Variants in ARHGAP24 observed in about 807,000 individuals in gnomAD.
ARHGAP24 encodes rho GTPase-activating protein 24.
Under a neutral mutation model 76.4 loss-of-function variants are expected in ARHGAP24, and 50 were observed. The observed-to-expected ratio is 0.65, with a 90% CI of 0.52 to 0.83. ARHGAP24 has a LOEUF of 0.83. Among genes scored for constraint, ARHGAP24 ranks in the 40% least tolerant of loss-of-function variants. The pLI, the probability that ARHGAP24 is intolerant of heterozygous loss-of-function variation, is 0.00. For synonymous variants in ARHGAP24, 345 were observed against 323.3 expected (o/e 1.07, Z -0.72); for missense variants, 930 against 914.2 (o/e 1.02, Z -0.22).
At chr4:85,593,949 T>G (rs1578063334) in intron 2 of ARHGAP24, among the ~76,000 whole-genome samples, 1 of 152,094 alleles carries the variant, frequency 6.6e-6, no homozygotes, top group African/African-American at 2.4e-5. Flanking sequence ...CTTTTGTGAT[T>G]CTGTATAAAT....
intron 2 of ARHGAP24, among the ~76,000 whole-genome samples, chr4:85,643,193 A>G (rs1451902161): frequency 2.7e-5 from 4 of 145,462 alleles, no homozygotes; most frequent in African/African-American, 1.0e-4. Context: ...AATACCCCTT[A>G]ACCTGGTTCT....
intron 9 of ARHGAP24, among the ~76,000 whole-genome samples, chr4:85,999,206 T>C (rs1740861577): frequency 6.6e-6 from 1 of 152,038 alleles, no homozygotes; most frequent in African/African-American, 2.4e-5. Context: ...TCCAAAATTT[T>C]GGCTCTAAAA....
intron 2 of ARHGAP24, among the ~76,000 whole-genome samples, chr4:85,691,568 A>C (rs1358018930): frequency 2.6e-5 from 4 of 152,054 alleles, no homozygotes; most frequent in Admixed American, 2.0e-4. Context: ...ATCTTGTTGG[A>C]TTGTACCTTT....
intron 3 of ARHGAP24, among the ~76,000 whole-genome samples, chr4:85,813,965 C>T (rs1376052465): frequency 6.6e-6 from 1 of 151,692 alleles, no homozygotes; most frequent in African/African-American, 2.4e-5. Context: ...GGGGAGGCCT[C>T]ACAATTACAG....
intron 1 of ARHGAP24, among the ~76,000 whole-genome samples, chr4:85,508,863 C>T (rs555646585): frequency 2.6e-5 from 4 of 152,198 alleles, no homozygotes; most frequent in South Asian, 4.1e-4. Context: ...CCTCCACCCA[C>T]ATTCCAAGGT....
chr4:85,724,440 A>T (rs1725081083), intron 3 of ARHGAP24, among the ~76,000 whole-genome samples: 1 of 150,818 alleles, frequency 6.6e-6, no homozygotes, highest in Non-Finnish European at 1.5e-5. Context: ...TGTGTTACGA[A>T]TACAGTTTAT....
Position 85,871,057 on chromosome 4 carries a change from G to A in ARHGAP24, c.269-52591G>A, listed in dbSNP as rs552032280. 2.6e-5 allele frequency among the ~76,000 whole-genome samples: 4 copies of A among 152,138 alleles called. No individual in the cohort carries two copies. The South Asian group carries it at 8.3e-4, about 32-fold the overall frequency. ...CCATTTATTCTCTCTTTTGAATAAA[G>A]GTCTCTTAATTCCTGGTGGGGAGAA... is the stretch of plus-strand genomic sequence containing the variant. On this transcript the variant is annotated intron_variant, in intron 3 of 9. Transcript: ENST00000395184.
chr4:85,954,582 G>C (rs936472952), intron 5 of ARHGAP24, among the ~76,000 whole-genome samples: 1 of 152,046 alleles, frequency 6.6e-6, no homozygotes, highest in Non-Finnish European at 1.5e-5. Context: ...TGCTCCCTTC[G>C]GCAGCACATA....
chr4:85,783,989 C>T (rs1320154755), intron 3 of ARHGAP24, among the ~76,000 whole-genome samples: 1 of 152,160 alleles, frequency 6.6e-6, no homozygotes, highest in Non-Finnish European at 1.5e-5. Flanking sequence ...CCTTTTCAAC[C>T]ATGTTCTTTT....
chr4:85,619,496 TAA>T (rs1205256952), intron 2 of ARHGAP24, among the ~76,000 whole-genome samples: 1 of 145,674 alleles, frequency 6.9e-6, no homozygotes, highest in Non-Finnish European at 1.5e-5. Flanking sequence ...TCTATTTCTG[TAA>T]AAAAAAAAAG....
At chr4:85,557,768 T>C (rs1447259701) in intron 1 of ARHGAP24, among the ~76,000 whole-genome samples, 1 of 152,202 alleles carries the variant, frequency 6.6e-6, no homozygotes, top group Non-Finnish European at 1.5e-5. Context: ...AGCTTCCAGG[T>C]ATCCTGGCAT....
intron 3 of ARHGAP24, among the ~76,000 whole-genome samples, chr4:85,913,686 T>C (rs1223854595): frequency 6.6e-6 from 1 of 152,162 alleles, no homozygotes; most frequent in Non-Finnish European, 1.5e-5. Context: ...AATAAATGTG[T>C]TGAATAAATG....
intron 1 of ARHGAP24, among the ~76,000 whole-genome samples, chr4:85,478,127 A>G (rs893333832): frequency 2.0e-5 from 3 of 152,340 alleles, no homozygotes; most frequent in East Asian, 1.9e-4. Flanking sequence ...TGGTGATAAC[A>G]AGAGCCTGAG....
intron 3 of ARHGAP24, among the ~76,000 whole-genome samples, chr4:85,811,364 G>A (rs189719407): frequency 4.6e-5 from 7 of 152,156 alleles, no homozygotes; most frequent in Non-Finnish European, 1.0e-4. Context: ...CCAGGTATGA[G>A]TTCACTCCAG....
intron 2 of ARHGAP24, among the ~76,000 whole-genome samples, chr4:85,612,207 A>G (rs1315270700): frequency 6.6e-6 from 1 of 152,014 alleles, no homozygotes; most frequent in Non-Finnish European, 1.5e-5. Context: ...TCACAAAGTC[A>G]GGAGATTGAG....
At position 85,807,953 on chromosome 4, in the gene ARHGAP24, T is replaced by G. The variant is rs1728861691; in HGVS notation, c.268+85981T>G. On this transcript the variant is annotated intron_variant, in intron 3 of 9. Coordinates refer to ENST00000395184, the MANE Select transcript of ARHGAP24 (RefSeq NM_001025616.3). ...TTTTTGTCTCCCCCTGTATCCCAAA[T>G]AAATTCACCCTCCCTGAGCCTTTAT... is the stretch of plus-strand genomic sequence containing the variant. Among the ~76,000 whole-genome samples the G allele has an allele frequency of 2.0e-5, 3 of 152,314 alleles. No individual in the cohort carries two copies. The South Asian group carries it at 6.2e-4, about 32-fold the overall frequency.
intron 3 of ARHGAP24, among the ~76,000 whole-genome samples, chr4:85,864,199 C>T (rs751486050): frequency 2.0e-5 from 3 of 152,000 alleles, no homozygotes; most frequent in Non-Finnish European, 2.9e-5. Context: ...TTTCAGGCTG[C>T]TCTTTGTTAG....
chr4:85,548,745 G>C (rs892493489), intron 1 of ARHGAP24, among the ~76,000 whole-genome samples: 4 of 152,134 alleles, frequency 2.6e-5, no homozygotes, highest in Non-Finnish European at 1.5e-5. Context: ...CAAACATCTA[G>C]ACCCATGTTT....
intron 3 of ARHGAP24, among the ~76,000 whole-genome samples, chr4:85,772,863 T>C (rs560486264): frequency 2.8e-4 from 43 of 152,316 alleles, no homozygotes; most frequent in Non-Finnish European, 3.4e-4. Context: ...AGTCACCCAA[T>C]GTCCAAGTTT....
Sources: gnomAD v4.1 joint callset for allele counts (sites outside exome capture counted in the v4.1 genomes callset) on GRCh38, gnomAD v4.1.1 for gene constraint, MANE v1.5 for transcripts, NCBI Gene and HGNC (gene_info 2026-07-23, HGNC 2026-07-21) for gene names.